HNRNPR: variants seen among roughly 807,000 people sequenced by gnomAD.
HNRNPR encodes heterogeneous nuclear ribonucleoprotein R.
HNRNPR carries 4 observed loss-of-function variants against 70.3 expected under a neutral mutation model. The observed-to-expected ratio is 0.06, with a 90% CI of 0.03 to 0.13. The LOEUF (loss-of-function observed/expected upper bound fraction) is 0.13, where lower values mean the gene tolerates loss of function less well. HNRNPR is among the 10% of genes least tolerant of loss of function. HNRNPR has a pLI of 1.00. For missense variants in HNRNPR, 423 were observed against 788.5 expected (o/e 0.54, Z 5.55); for synonymous variants, 241 against 267.6 (o/e 0.90, Z 0.97).
chr1:23,333,576 T>A lies in HNRNPR; in HGVS notation c.440A>T (p.Tyr147Phe). The stretch of plus-strand genomic sequence containing the variant: ...CACACTGTCTGGTGGAGGACCACCA[T>A]ACTTCCTCTGTCCTGTGGTTACATC... ...TLDVTTGQRK[Y>F]GGPPPDSVYS... The change falls in exon 5 of 11, where the codon TAT becomes TTT. Residue 147 changes from tyrosine (Y) to phenylalanine (F), a missense_variant. Physicochemically the swap from Tyr to Phe is conservative, Grantham distance 22. This residue lies in a region of HNRNPR where 118 missense variants were observed against 239.3 expected (regional missense o/e 0.49). Transcript: ENST00000302271. The A allele has an allele frequency of 1.2e-6, 2 of 1,613,980 alleles. No homozygotes were observed. Among genetic ancestry groups the A allele is most frequent in the Non-Finnish European group, 1.7e-6 (2 of 1,179,822 alleles).
At chr1:23,339,465 G>C (rs907355039) in intron 2 of HNRNPR, among the ~76,000 whole-genome samples, 1 of 152,096 alleles carries the variant, frequency 6.6e-6, no homozygotes, top group African/African-American at 2.4e-5. Flanking sequence ...CATCTACTAA[G>C]TTTAAAATAT....
rs1645196504 is a variant in HNRNPR at position 23,305,968 on chromosome 1, T to C, written c.*4486A>G. 6.6e-6 allele frequency: 1 copy of C among 152,220 alleles called. No homozygotes were observed. Among genetic ancestry groups the C allele is most frequent in the Non-Finnish European group, 1.5e-5 (1 of 68,026 alleles). 9.4% of individuals were successfully genotyped at this position (152,220 alleles called of 1,614,324 possible). A position where few individuals can be genotyped will look rare whatever the true frequency, so the allele number is the denominator to read the frequency against. On this transcript the variant is annotated 3_prime_UTR_variant, in exon 11 of 11. Transcript: ENST00000302271. The stretch of plus-strand genomic sequence containing the variant: ...GGAAGATTTTTAAAAATAGTATCTT[T>C]GGTGTTTAAGCCCTCCATTCTATCA...
chr1:23,305,115 T>C lies in HNRNPR; in HGVS notation c.*5339A>G, dbSNP rs1292623991. ...AATTTAAGTTTTTCCCCAGAATGTCTCCTTTGTTGGTTCCACAAAATGTAT... is the reference window on the plus strand; with the variant it reads ...AATTTAAGTTTTTCCCCAGAATGTCCCCTTTGTTGGTTCCACAAAATGTAT... On this transcript the variant is annotated 3_prime_UTR_variant, in exon 11 of 11. Transcript: ENST00000302271. 1 of 152,212 alleles carries C rather than the reference T, an allele frequency of 6.6e-6. No individual in the cohort carries two copies. The highest frequency in any genetic ancestry group is 6.5e-5 in the Admixed American group (1 of 15,274). The allele number at this position is 152,212 out of a possible 1,614,324, so 9.4% of individuals were successfully genotyped here. A position where few individuals can be genotyped will look rare whatever the true frequency, so the allele number is the denominator to read the frequency against.
chr1:23,327,313 G>A (rs575999985), intron 5 of HNRNPR, among the ~76,000 whole-genome samples: 11 of 152,220 alleles, frequency 7.2e-5, no homozygotes, highest in Non-Finnish European at 1.6e-4. Flanking sequence ...TATTTTTCTA[G>A]ATTCTAGAAA....
intron 5 of HNRNPR, among the ~76,000 whole-genome samples, chr1:23,324,914 G>A (rs933061518): frequency 6.6e-6 from 1 of 152,138 alleles, no homozygotes; most frequent in African/African-American, 2.4e-5. Context: ...GCTGAGGCGG[G>A]CGGATCACGA....
Position 23,310,800 on chromosome 1 carries a change from C to A in HNRNPR, c.1556G>T (p.Gly519Val). 6.2e-7 allele frequency: 1 copy of A among 1,614,074 alleles called. No individual in the cohort carries two copies. Among genetic ancestry groups the A allele is most frequent in the Non-Finnish European group, 8.5e-7 (1 of 1,180,014 alleles). ...RGAPPPPRGRGAPPPRGRAGY... is the reference protein window; with the variant it reads ...RGAPPPPRGRVAPPPRGRAGY... ...AGCTCTACCTCTTGGAGGTGGTGCT[C>A]CCCTCCCCCTTGGTGGTGGTGGAGC... The change falls in exon 11 of 11, where the codon GGA becomes GTA. Residue 519 changes from glycine (G) to valine (V), a missense_variant. Coordinates refer to ENST00000302271, the MANE Select transcript of HNRNPR (RefSeq NM_005826.5). The surrounding 1 kb of genome is among the most constrained non-coding windows in gnomAD (Gnocchi z 6.0).
chr1:23,311,156 C>G (rs774375902), intron 10 of HNRNPR, 45 bp downstream of exon 10: 1 of 1,611,624 alleles, frequency 6.2e-7, no homozygotes. Context: ...TCCATTATCA[C>G]GTTATTCCTT....
Position 23,310,893 on chromosome 1 carries a change from T to A in HNRNPR, c.1463A>T (p.Asp488Val). 6.2e-7 allele frequency: 1 copy of A among 1,614,070 alleles called. No homozygotes were observed. The highest frequency in any genetic ancestry group is 8.5e-7 in the Non-Finnish European group (1 of 1,180,000). The change falls in exon 11 of 11, where the codon GAT becomes GTT. Residue 488 changes from aspartate (D) to valine (V), a missense_variant. Physicochemically the swap from Asp to Val is radical, Grantham distance 152 (BLOSUM62 -3). Coordinates refer to ENST00000302271, the MANE Select transcript of HNRNPR (RefSeq NM_005826.5). The surrounding 1 kb of genome is among the most constrained non-coding windows in gnomAD (Gnocchi z 6.0). ...GCCATCATCATAGCCGTAGTAGGGATCTTCATAGCCTCCACGATAGTCGTG... is the reference window on the plus strand; with the variant it reads ...GCCATCATCATAGCCGTAGTAGGGAACTTCATAGCCTCCACGATAGTCGTG... Reference protein sequence around the residue: ...DYHDYRGGYEDPYYGYDDGYA... With the variant: ...DYHDYRGGYEVPYYGYDDGYA...
chr1:23,312,456 T>A (rs997786848), intron 9 of HNRNPR, among the ~76,000 whole-genome samples: 9 of 152,182 alleles, frequency 5.9e-5, no homozygotes, highest in South Asian at 2.1e-4. Flanking sequence ...TTAGACAGCA[T>A]AAAATTATTA....
At position 23,318,933 on chromosome 1, in the gene HNRNPR, A is replaced by T. The variant is rs1179139774; in HGVS notation, c.812-245T>A. On this transcript the variant is annotated intron_variant, in intron 7 of 10. Coordinates refer to ENST00000302271, the MANE Select transcript of HNRNPR (RefSeq NM_005826.5). This position sits in a 1 kb window ranked among gnomAD's most constrained non-coding sequence, Gnocchi z 4.2. ...TATACAACAAATCTACTATATTCTGACATTTAACATGCTACAATGTTTTAG... is the reference window on the plus strand; with the variant it reads ...TATACAACAAATCTACTATATTCTGTCATTTAACATGCTACAATGTTTTAG... Among the ~76,000 whole-genome samples, 6 of 152,212 alleles carry T rather than the reference A, an allele frequency of 3.9e-5. No homozygotes were observed. Among genetic ancestry groups the T allele is most frequent in the Non-Finnish European group, 8.8e-5 (6 of 68,038 alleles).
Position 23,318,731 on chromosome 1 carries a change from C to G in HNRNPR, c.812-43G>C. 6.3e-7 allele frequency: 1 copy of G among 1,595,362 alleles called. No individual in the cohort carries two copies. ...AGATATATAAGCCAAAAGCATCCAC[C>G]ACACATCTAGCGATTAGGCAGACCT... is the stretch of plus-strand genomic sequence containing the variant. On this transcript the variant is annotated intron_variant, in intron 7 of 10. Transcript: ENST00000302271. The surrounding 1 kb of genome is among the most constrained non-coding windows in gnomAD (Gnocchi z 4.2).
At chr1:23,315,279 C>CAAAA (rs1165980444) in intron 8 of HNRNPR, among the ~76,000 whole-genome samples, 17 of 35,388 alleles carry the variant, frequency 4.8e-4, no homozygotes, top group African/African-American at 1.2e-3. Context: ...GGCTCCGTCT[C>CAAAA]AAAAAAAAAA....
chr1:23,337,775 T>G lies in HNRNPR; in HGVS notation c.363A>C (p.Gly121=), dbSNP rs1025035421. 5.0e-6 allele frequency: 8 copies of G among 1,611,270 alleles called. No individual in the cohort carries two copies. The highest frequency in any genetic ancestry group is 6.8e-6 in the Non-Finnish European group (8 of 1,178,178). ...QGSKVQESTK[G]PDEAKIKALL... is the part of the protein sequence containing the mutation. Reference sequence around the variant, plus strand: ...TTACCTTGATCTTCGCTTCATCAGGTCCCTTTGTGGACTCTTGCACCTTGC... The same window carrying G: ...TTACCTTGATCTTCGCTTCATCAGGGCCCTTTGTGGACTCTTGCACCTTGC... The change falls in exon 4 of 11, where the codon GGA becomes GGC. Residue 121 remains glycine (G), a synonymous_variant. Coordinates refer to ENST00000302271, the MANE Select transcript of HNRNPR (RefSeq NM_005826.5).
In HNRNPR at chr1:23,307,709, C is replaced by G. The variant is rs1391244963; in HGVS notation, c.*2745G>C. On this transcript the variant is annotated 3_prime_UTR_variant, in exon 11 of 11. Transcript: ENST00000302271. ...GAGTGATCAAATAAAAATTAGTATTCCATTATGGGGAGGGGCATATTTGTA... is the reference window on the plus strand; with the variant it reads ...GAGTGATCAAATAAAAATTAGTATTGCATTATGGGGAGGGGCATATTTGTA... The G allele has an allele frequency of 6.6e-6, 1 of 151,938 alleles. No individual in the cohort carries two copies. The highest frequency in any genetic ancestry group is 2.4e-5 in the African/African-American group (1 of 41,404). The allele number at this position is 151,938 out of a possible 1,614,324, so 9.4% of individuals were successfully genotyped here.
intron 5 of HNRNPR, among the ~76,000 whole-genome samples, chr1:23,327,591 T>C (rs920082355): frequency 1.3e-5 from 2 of 151,876 alleles, no homozygotes; most frequent in Admixed American, 6.6e-5. Context: ...TCTGGAGGCT[T>C]AGGCAGAAGA....
At chr1:23,343,309 G>C (rs1292737148) in intron 1 of HNRNPR, among the ~76,000 whole-genome samples, 1 of 152,178 alleles carries the variant, frequency 6.6e-6, no homozygotes, top group Non-Finnish European at 1.5e-5. Flanking sequence ...CATATTAAGA[G>C]ACGGGCTTTA....
chr1:23,332,935 G>A (rs1369830353), intron 5 of HNRNPR, among the ~76,000 whole-genome samples: 1 of 152,130 alleles, frequency 6.6e-6, no homozygotes, highest in Admixed American at 6.5e-5. Flanking sequence ...TGTAATCCCA[G>A]CACTTTGGGA....
chr1:23,317,717 G>A (rs1645603441), intron 8 of HNRNPR, among the ~76,000 whole-genome samples: 1 of 151,574 alleles, frequency 6.6e-6, no homozygotes, highest in Non-Finnish European at 1.5e-5. Context: ...GGGCACGGTG[G>A]CTCATGCCTT....
chr1:23,336,204 T>A (rs1646476151), intron 4 of HNRNPR, among the ~76,000 whole-genome samples: 1 of 148,702 alleles, frequency 6.7e-6, no homozygotes, highest in South Asian at 2.1e-4. Context: ...GGTAGGCAGA[T>A]CCCCCAAGGT....
Sources: gnomAD v4.1 joint callset for allele counts (sites outside exome capture counted in the v4.1 genomes callset) on GRCh38, gnomAD v4.1.1 for gene constraint, gnomAD v4.1.1 regional missense constraint, Gnocchi (gnomAD v3.1) non-coding constraint, MANE v1.5 for transcripts, NCBI Gene and HGNC (gene_info 2026-07-23, HGNC 2026-07-21) for gene names.